MS4A3: variants seen among roughly 807,000 people sequenced by gnomAD.
MS4A3 encodes membrane-spanning 4-domains subfamily A member 3.
Under a neutral mutation model 24.7 loss-of-function variants are expected in MS4A3, and 18 were observed. The observed-to-expected ratio is 0.73, with a 90% CI of 0.50 to 1.08. MS4A3 has a LOEUF of 1.08. Ranked by LOEUF, MS4A3 falls within the 50% of genes least tolerant of loss-of-function variation. MS4A3 has a pLI of 0.00. For synonymous variants in MS4A3, 84 were observed against 95.3 expected (o/e 0.88, Z 0.69); for missense variants, 282 against 251.7 (o/e 1.12, Z -0.82).
At chr11:60,069,406 G>T in intron 5 of MS4A3, 168 bp from the exon 6 acceptor site, 2 of 490,404 alleles carry the variant, frequency 4.1e-6, no homozygotes, top group East Asian at 3.2e-5. Context: ...CTTTTAGATT[G>T]AGATACTATC....
At position 60,061,420 on chromosome 11, in the gene MS4A3, G is replaced by A. The variant is rs925035002; in HGVS notation, c.156+104G>A. 3.1e-5 allele frequency: 43 copies of A among 1,372,578 alleles called. No individual in the cohort carries two copies. In the African/African-American group the frequency reaches 3.4e-4, roughly 11 times the overall value. 85.0% of individuals were successfully genotyped at this position (1,372,578 alleles called of 1,614,324 possible). On this transcript the variant is annotated intron_variant, in intron 2 of 6. Transcript: ENST00000278865. ...AACTGTGAGGATTCCCTTACATGTG[G>A]ATTTCTTCCACCTCTGTTTGCCATC...
intron 1 of MS4A3, among the ~76,000 whole-genome samples, chr11:60,058,914 G>A (rs1410345495): frequency 6.6e-6 from 1 of 152,120 alleles, no homozygotes; most frequent in Non-Finnish European, 1.5e-5. Context: ...TTCACATAGA[G>A]TTTGCTTTAA....
At chr11:60,063,245 A>G (rs1038687596) in intron 3 of MS4A3, among the ~76,000 whole-genome samples, 7 of 152,262 alleles carry the variant, frequency 4.6e-5, no homozygotes, top group Admixed American at 4.6e-4. Flanking sequence ...CTTGTGGTAC[A>G]GCAGAGAGTC....
At chr11:60,069,513 A>G in intron 5 of MS4A3, 61 bp from the exon 6 acceptor site, 1 of 952,556 alleles carries the variant, frequency 1.0e-6, no homozygotes, top group South Asian at 1.7e-5. Flanking sequence ...TCCTGCTGAC[A>G]TTTTTTTTTT....
At chr11:60,059,754 T>A (rs1054590489) in intron 1 of MS4A3, among the ~76,000 whole-genome samples, 5 of 152,234 alleles carry the variant, frequency 3.3e-5, no homozygotes, top group Non-Finnish European at 5.9e-5. Context: ...AGTGTGTATG[T>A]ACCACATTTT....
chr11:60,060,594 G>A (rs919169731), intron 1 of MS4A3, among the ~76,000 whole-genome samples: 2 of 152,036 alleles, frequency 1.3e-5, no homozygotes. Context: ...TGATTTATAA[G>A]CCATATGAGT....
At chr11:60,057,129 G>C (rs960764470) in intron 1 of MS4A3, among the ~76,000 whole-genome samples, 3 of 152,206 alleles carry the variant, frequency 2.0e-5, no homozygotes, top group Non-Finnish European at 4.4e-5. Flanking sequence ...GGACAGTGGA[G>C]TGTAATGATA....
At chr11:60,063,441 G>T (rs1590614682) in intron 3 of MS4A3, among the ~76,000 whole-genome samples, 1 of 152,014 alleles carries the variant, frequency 6.6e-6, no homozygotes, top group Admixed American at 6.5e-5. Flanking sequence ...ATGTTTGTTG[G>T]CCATTTGTAT....
rs58722616 is a variant in MS4A3 at position 60,058,506 on chromosome 11, CAAAAAAAAAAAAA to C, written c.-16+1790_-16+1802del. 1.6e-3 allele frequency among the ~76,000 whole-genome samples: 28 copies of C among 17,882 alleles called. No homozygotes were observed. The East Asian group carries it at 0.036, about 23-fold the overall frequency. 11.7% of individuals were successfully genotyped at this position (17,882 alleles called of 152,430 possible). On this transcript the variant is annotated intron_variant, in intron 1 of 6. Coordinates refer to ENST00000278865, the MANE Select transcript of MS4A3 (RefSeq NM_006138.5). ...TGGGAGACAGAGCAAAGCTCCAACT[CAAAAAAAAAAAAA>C]AAAAAAAAAAAAAAAAAAAAAAATT...
chr11:60,068,241 T>TTTA (rs1473127827), intron 5 of MS4A3, among the ~76,000 whole-genome samples: 2 of 139,222 alleles, frequency 1.4e-5, no homozygotes, highest in Admixed American at 7.2e-5. Context: ...ACCTTACCTT[T>TTTA]TTTTTTTTTT....
intron 1 of MS4A3, among the ~76,000 whole-genome samples, chr11:60,060,359 T>G (rs952134696): frequency 6.6e-6 from 1 of 152,186 alleles, no homozygotes. Flanking sequence ...GGATTTGAAT[T>G]GGAATCTTCC....
At chr11:60,065,370 A>C (rs1855344069) in intron 4 of MS4A3, among the ~76,000 whole-genome samples, 1 of 152,122 alleles carries the variant, frequency 6.6e-6, no homozygotes, top group South Asian at 2.1e-4. Flanking sequence ...GCATGTAAAC[A>C]TCCAGTTACT....
chr11:60,058,634 T>A (rs1030983684), intron 1 of MS4A3, among the ~76,000 whole-genome samples: 4 of 149,434 alleles, frequency 2.7e-5, no homozygotes, highest in Non-Finnish European at 3.0e-5. Context: ...ATTGAAGACA[T>A]TTGAGGGTTT....
At chr11:60,070,143 G>GA in intron 6 of MS4A3, 61 bp from the exon 7 acceptor site, 1 of 1,351,320 alleles carries the variant, frequency 7.4e-7, no homozygotes, top group South Asian at 1.2e-5. Flanking sequence ...AACAGGAAGG[G>GA]ATGGGAGGAG....
At chr11:60,066,470 C>G (rs57175225) in intron 4 of MS4A3, among the ~76,000 whole-genome samples, 3,672 of 152,252 alleles carry the variant, frequency 0.024, 127 homozygotes, top group East Asian at 0.12. Context: ...CTAGTATTGA[C>G]TACGTGCCTC....
rs1478719809 is a variant in MS4A3 at position 60,070,973 on chromosome 11, C to G, written c.*740C>G. ...CTGGGTTCAAATTCTGAAACTGTCA[C>G]TTATTACCTGTATGAACATGGGCAA... On this transcript the variant is annotated 3_prime_UTR_variant, in exon 7 of 7. Transcript: ENST00000278865. 6.6e-6 allele frequency: 1 copy of G among 152,198 alleles called. No homozygotes were observed. Among genetic ancestry groups the G allele is most frequent in the Non-Finnish European group, 1.5e-5 (1 of 68,040 alleles). The allele number at this position is 152,198 out of a possible 1,614,324, so 9.4% of individuals were successfully genotyped here.
Position 60,062,469 on chromosome 11 carries a change from C to T in MS4A3, c.158C>T (p.Ala53Val), listed in dbSNP as rs781476953. 2.4e-5 allele frequency: 39 copies of T among 1,613,908 alleles called. No individual in the cohort carries two copies. In the East Asian group the frequency reaches 8.5e-4, roughly 35 times the overall value. The change falls in exon 3 of 7, where the codon GCC becomes GTC. Residue 53 changes from alanine (A) to valine (V), a missense_variant and splice_region_variant. Physicochemically the swap from Ala to Val is moderately conservative, Grantham distance 64 (BLOSUM62 0). Transcript: ENST00000278865. ...YQKAKLQVLG[A>V]IQILNAAMIL... ...CCTTTTTCCCCTTTCTTCTTTCAGG[C>T]CATCCAGATCCTGAATGCAGCAATG...
chr11:60,062,367 C>A, intron 2 of MS4A3, 101 bp from the exon 3 acceptor site: 1 of 1,417,368 alleles, frequency 7.1e-7, no homozygotes. Flanking sequence ...TTAACCATTT[C>A]AAGCACCGAC....
At chr11:60,060,284 T>C (rs1322140780) in intron 1 of MS4A3, among the ~76,000 whole-genome samples, 1 of 152,168 alleles carries the variant, frequency 6.6e-6, no homozygotes, top group Non-Finnish European at 1.5e-5. Context: ...ATTATTCCCA[T>C]TTTTACAGAA....
Sources: allele counts gnomAD v4.1 joint callset (sites outside exome capture counted in the v4.1 genomes callset), GRCh38; gene constraint gnomAD v4.1.1; transcripts MANE v1.5; gene names NCBI Gene and HGNC (gene_info 2026-07-23, HGNC 2026-07-21).